Variants in SEC24B observed in about 807,000 individuals in gnomAD.
SEC24B encodes the protein protein transport protein Sec24B.
Under a neutral mutation model 142.8 loss-of-function variants are expected in SEC24B, and 45 were observed. The observed-to-expected ratio is 0.32, with a 90% CI of 0.25 to 0.40. The LOEUF (loss-of-function observed/expected upper bound fraction) is 0.40. SEC24B is among the 10% of genes least tolerant of loss of function. SEC24B has a pLI of 1.00. For synonymous variants in SEC24B, 574 were observed against 568.2 expected, an observed-to-expected ratio of 1.01 and a Z score of -0.15; for missense variants, 1,409 against 1,526.8, an observed-to-expected ratio of 0.92 and a Z score of 1.29.
chr4:109,531,365 G>A lies in SEC24B; in HGVS notation c.3253-20G>A, dbSNP rs545004302. On this transcript the variant is annotated intron_variant, in intron 19 of 23. Transcript: ENST00000265175. Reference sequence around the variant, plus strand: ...CCATATTTGTATTTTACTTGAAAACGTTTATCTTTTTCCTTGTAGAAAGCA... The same window carrying A: ...CCATATTTGTATTTTACTTGAAAACATTTATCTTTTTCCTTGTAGAAAGCA... 18 of 1,583,888 alleles carry A rather than the reference G, an allele frequency of 1.1e-5. No individual in the cohort carries two copies. Among genetic ancestry groups the A allele is most frequent in the East Asian group, 1.1e-4 (5 of 44,464 alleles).
chr4:109,455,121 T>C (rs1479474033), intron 1 of SEC24B, among the ~76,000 whole-genome samples: 1 of 152,216 alleles, frequency 6.6e-6, no homozygotes, highest in African/African-American at 2.4e-5. Context: ...AAGTTGATTT[T>C]TCAGCACACC....
chr4:109,529,550 T>G (rs1011654594), intron 18 of SEC24B, among the ~76,000 whole-genome samples: 1 of 152,124 alleles, frequency 6.6e-6, no homozygotes, highest in Non-Finnish European at 1.5e-5. Context: ...TTCAAAAAAT[T>G]TGTTGGCTTG....
At chr4:109,517,880 A>G (rs1723120711) in intron 11 of SEC24B, among the ~76,000 whole-genome samples, 1 of 152,196 alleles carries the variant, frequency 6.6e-6, no homozygotes, top group Non-Finnish European at 1.5e-5. Context: ...TTTAAAGGGA[A>G]GGAGGGAACT....
intron 22 of SEC24B, among the ~76,000 whole-genome samples, chr4:109,535,555 A>G (rs1235621834): frequency 7.3e-6 from 1 of 137,666 alleles, no homozygotes; most frequent in African/African-American, 2.7e-5. Flanking sequence ...GACTCCGTCT[A>G]AAAAAAAAAG....
rs1449202704 is a variant in SEC24B, at chr4:109,506,482, C to T, written c.1643C>T (p.Ala548Val). ...TGGGCTCCTGTACCTAACTTGAATG[C>T]AGACCTCAAAAAATTAAACTGTAGC... ...PVWAPVPNLN[A>V]DLKKLNCSPD... Residue 548 changes from alanine (A) to valine (V), a missense_variant, in exon 7 of 24, where the codon GCA (alanine) becomes GTA (valine). Around this residue, in one of 2 missense-constraint regions of SEC24B, gnomAD observed 709 missense variants for 673.5 expected, o/e 1.05. Transcript: ENST00000265175. The T allele has an allele frequency of 2.5e-6, 4 of 1,582,210 alleles. No homozygotes were observed. Among genetic ancestry groups the T allele is most frequent in the Non-Finnish European group, 3.4e-6 (4 of 1,166,374 alleles).
At chr4:109,525,273 A>G in intron 15 of SEC24B, 73 bp from the exon 16 acceptor site, 1 of 1,248,780 alleles carries the variant, frequency 8.0e-7, no homozygotes, top group South Asian at 1.9e-5. Context: ...CATAATGTAG[A>G]ATCTGTACTA....
chr4:109,473,281 A>C, intron 3 of SEC24B, 95 bp downstream of exon 3: 1 of 787,848 alleles, frequency 1.3e-6, no homozygotes, highest in East Asian at 3.3e-5. Context: ...CAATCCAAAC[A>C]CAACTTTTGG....
intron 17 of SEC24B, 25 bp from the exon 18 acceptor site, chr4:109,527,296 TG>T: frequency 7.1e-7 from 1 of 1,413,690 alleles, no homozygotes; most frequent in Non-Finnish European, 9.9e-7. Flanking sequence ...TTTGATCTAA[TG>T]TATTTTCAAT....
intron 18 of SEC24B, among the ~76,000 whole-genome samples, chr4:109,529,734 G>T (rs561564454): frequency 4.6e-5 from 7 of 152,152 alleles, no homozygotes; most frequent in Non-Finnish European, 7.3e-5. Flanking sequence ...ATCAATAGGG[G>T]CTACATGTTT....
chr4:109,494,597 T>A lies in SEC24B; in HGVS notation c.1247-18T>A. On this transcript the variant is annotated intron_variant, in intron 5 of 23. Transcript: ENST00000265175. ...TCTTGATTTTCAGTTGTTAACACCATGTGTTTCCATTTTTTAGATATGCTT... is the reference window on the plus strand; with the variant it reads ...TCTTGATTTTCAGTTGTTAACACCAAGTGTTTCCATTTTTTAGATATGCTT... 1 of 1,613,292 alleles carries A rather than the reference T, an allele frequency of 6.2e-7. No homozygotes were observed. The highest frequency in any genetic ancestry group is 1.1e-5 in the South Asian group (1 of 91,076).
At chr4:109,515,516 C>G (rs781312344) in intron 10 of SEC24B, among the ~76,000 whole-genome samples, 17 of 152,046 alleles carry the variant, frequency 1.1e-4, no homozygotes, top group Non-Finnish European at 2.5e-4. Context: ...AAGCTAGAGA[C>G]AAGGTTTTAC....
chr4:109,458,744 C>T (rs1730957523), intron 1 of SEC24B, among the ~76,000 whole-genome samples: 1 of 151,094 alleles, frequency 6.6e-6, no homozygotes, highest in Non-Finnish European at 1.5e-5. Context: ...CATATATATG[C>T]AAAAAGAAAA....
intron 3 of SEC24B, among the ~76,000 whole-genome samples, chr4:109,474,213 A>G (rs1732834366): frequency 6.6e-6 from 1 of 152,178 alleles, no homozygotes; most frequent in African/African-American, 2.4e-5. Context: ...AACTGAATTT[A>G]GTTCTTAAAA....
intron 21 of SEC24B, among the ~76,000 whole-genome samples, 177 bp from the exon 22 acceptor site, chr4:109,533,416 A>G (rs17040512): frequency 0.037 from 5,629 of 152,312 alleles, 118 homozygotes; most frequent in East Asian, 0.047. Context: ...ACATTTAATC[A>G]AAGACGATGT....
chr4:109,521,468 A>G lies in SEC24B; in HGVS notation c.2350A>G (p.Arg784Gly), dbSNP rs1281825280. 6.2e-6 allele frequency: 10 copies of G among 1,614,036 alleles called. No individual in the cohort carries two copies. Among genetic ancestry groups the G allele is most frequent in the African/African-American group, 2.7e-5 (2 of 74,924 alleles). ...NALPNMFTNTRETHSALGPAL... is the reference protein window; with the variant it reads ...NALPNMFTNTGETHSALGPAL... ...ATTACCAAACATGTTCACCAATACA[A>G]GAGAAACACACAGTGCCCTTGGTCC... The change falls in exon 14 of 24, where the codon AGA becomes GGA. Residue 784 changes from arginine (R) to glycine (G), a missense_variant. Physicochemically the swap from Arg to Gly is moderately radical, Grantham distance 125 (BLOSUM62 -2). Transcript: ENST00000265175.
chr4:109,489,814 A>G (rs1734825789), intron 4 of SEC24B, among the ~76,000 whole-genome samples: 1 of 151,694 alleles, frequency 6.6e-6, no homozygotes, highest in East Asian at 1.9e-4. Flanking sequence ...TTATAGATAT[A>G]CCATATTTTG....
At chr4:109,535,669 A>T (rs902615640) in intron 22 of SEC24B, among the ~76,000 whole-genome samples, 1 of 152,060 alleles carries the variant, frequency 6.6e-6, no homozygotes, top group Non-Finnish European at 1.5e-5. Context: ...TAACATGGTG[A>T]AACCTTGTCT....
chr4:109,481,034 A>G (rs1021350315), intron 3 of SEC24B, among the ~76,000 whole-genome samples: 1 of 152,192 alleles, frequency 6.6e-6, no homozygotes, highest in Non-Finnish European at 1.5e-5. Context: ...TGACACTGAC[A>G]TGACTGGCTG....
intron 1 of SEC24B, among the ~76,000 whole-genome samples, chr4:109,436,300 G>A (rs1165011659): frequency 6.6e-6 from 1 of 151,908 alleles, no homozygotes. Flanking sequence ...AAAAAAGTTT[G>A]CTACGTGGTA....
Sources: gnomAD v4.1 joint callset for allele counts (sites outside exome capture counted in the v4.1 genomes callset) on GRCh38, gnomAD v4.1.1 for gene constraint, gnomAD v4.1.1 regional missense constraint, MANE v1.5 for transcripts, NCBI Gene and HGNC (gene_info 2026-07-23, HGNC 2026-07-21) for gene names.